Variants in CNTNAP2 observed in about 807,000 individuals in gnomAD.
CNTNAP2 encodes contactin associated protein 2, also known as contactin-associated protein-like 2.
In CNTNAP2, 98 loss-of-function variants were observed where a neutral mutation model predicts 155.2. The observed-to-expected ratio is 0.63, with a 90% CI of 0.54 to 0.75. The LOEUF (loss-of-function observed/expected upper bound fraction) is 0.75. Ranked by LOEUF, CNTNAP2 falls within the 30% of genes least tolerant of loss-of-function variation. The probability of loss-of-function intolerance (pLI) is 0.00; values close to 1 mark genes in which losing one functional copy is unlikely to be tolerated. For synonymous variants in CNTNAP2, 651 were observed against 631.2 expected (o/e 1.03, Z -0.47); for missense variants, 1,727 against 1,688.1 (o/e 1.02, Z -0.40).
intron 1 of CNTNAP2, among the ~76,000 whole-genome samples, chr7:146,704,763 A>G (rs1177314500): frequency 6.6e-6 from 1 of 152,150 alleles, no homozygotes; most frequent in Non-Finnish European, 1.5e-5. Flanking sequence ...ACGTGAAAAA[A>G]TTCTAATTCT....
At chr7:146,201,509 A>T (rs1798860141) in intron 1 of CNTNAP2, among the ~76,000 whole-genome samples, 1 of 152,124 alleles carries the variant, frequency 6.6e-6, no homozygotes, top group Non-Finnish European at 1.5e-5. Flanking sequence ...ACCTTCCACA[A>T]GTTTACTGTT....
chr7:146,723,936 G>C (rs538075328), intron 1 of CNTNAP2, among the ~76,000 whole-genome samples: 2 of 152,166 alleles, frequency 1.3e-5, no homozygotes, highest in Non-Finnish European at 2.9e-5. Context: ...ATTTATTGAG[G>C]CTTTTTTGTT....
chr7:146,674,601 A>C (rs1800365079), intron 1 of CNTNAP2, among the ~76,000 whole-genome samples: 1 of 152,112 alleles, frequency 6.6e-6, no homozygotes, highest in Admixed American at 6.6e-5. Context: ...AAGAATAAAT[A>C]TTTATTTGAT....
Position 148,416,352 on chromosome 7 carries a change from T to G in CNTNAP2, c.*736T>G, listed in dbSNP as rs941525817. The stretch of plus-strand genomic sequence containing the variant: ...TTCATTGAATTCTACAAGCTAATAT[T>G]GTTCCACGTATGTAGTCTTAGACCA... On this transcript the variant is annotated 3_prime_UTR_variant, in exon 24 of 24. Coordinates refer to ENST00000361727, the MANE Select transcript of CNTNAP2 (RefSeq NM_014141.6). 6.6e-6 allele frequency: 1 copy of G among 152,330 alleles called. No homozygotes were observed. Among genetic ancestry groups the G allele is most frequent in the African/African-American group, 2.4e-5 (1 of 41,458 alleles). The allele number at this position is 152,330 out of a possible 1,614,324, so 9.4% of individuals were successfully genotyped here.
chr7:147,155,714 C>G (rs538591534), intron 8 of CNTNAP2, among the ~76,000 whole-genome samples: 1 of 152,004 alleles, frequency 6.6e-6, no homozygotes, highest in Admixed American at 6.6e-5. Context: ...TTGGTGTATT[C>G]TACAATTTGT....
chr7:146,135,173 T>A (rs1797778916), intron 1 of CNTNAP2, among the ~76,000 whole-genome samples: 1 of 152,118 alleles, frequency 6.6e-6, no homozygotes, highest in Non-Finnish European at 1.5e-5. Context: ...TCATAGAAAA[T>A]TTCCTACTTA....
At chr7:146,882,655 T>C (rs957699920) in intron 3 of CNTNAP2, among the ~76,000 whole-genome samples, 3 of 152,106 alleles carry the variant, frequency 2.0e-5, no homozygotes, top group African/African-American at 7.2e-5. Context: ...TACCCAGTCT[T>C]GGGCAGTTCT....
intron 13 of CNTNAP2, among the ~76,000 whole-genome samples, chr7:147,807,322 C>CAAAAAAAAAAAAAAAAA (rs768465391): frequency 3.1e-5 from 2 of 64,776 alleles, no homozygotes; most frequent in African/African-American, 6.1e-5. Context: ...GTCCTTGACT[C>CAAAAAAAAAAAAAAAAA]AAAAAAAAAA....
At chr7:148,158,928 A>G (rs1466155957) in intron 17 of CNTNAP2, among the ~76,000 whole-genome samples, 1 of 152,272 alleles carries the variant, frequency 6.6e-6, no homozygotes, top group Non-Finnish European at 1.5e-5. Flanking sequence ...AAAGATTGTA[A>G]TAAAATAAAT....
At chr7:148,200,630 A>T (rs1173843234) in intron 18 of CNTNAP2, among the ~76,000 whole-genome samples, 1 of 152,198 alleles carries the variant, frequency 6.6e-6, no homozygotes, top group African/African-American at 2.4e-5. Flanking sequence ...TAGGAATCAT[A>T]GCCCTCTATG....
At chr7:146,402,538 A>T (rs991627582) in intron 1 of CNTNAP2, among the ~76,000 whole-genome samples, 22 of 152,308 alleles carry the variant, frequency 1.4e-4, no homozygotes, top group African/African-American at 4.8e-4. Context: ...AATTATTTAC[A>T]GTAACACTCT....
chr7:146,413,254 G>T (rs1795891641), intron 1 of CNTNAP2, among the ~76,000 whole-genome samples: 1 of 152,106 alleles, frequency 6.6e-6, no homozygotes, highest in Admixed American at 6.5e-5. Flanking sequence ...TGAGAGAAGA[G>T]GGTCTGCATG....
At chr7:147,636,610 A>G (rs1584871299) in intron 12 of CNTNAP2, among the ~76,000 whole-genome samples, 1 of 151,886 alleles carries the variant, frequency 6.6e-6, no homozygotes, top group African/African-American at 2.4e-5. Flanking sequence ...GCACCCCCCA[A>G]CAAGCCCTGG....
chr7:147,911,913 G>A (rs756130967), intron 14 of CNTNAP2, among the ~76,000 whole-genome samples: 3 of 152,142 alleles, frequency 2.0e-5, no homozygotes, highest in Non-Finnish European at 4.4e-5. Flanking sequence ...CTACGAGCAC[G>A]GTGGTACAAT....
intron 13 of CNTNAP2, among the ~76,000 whole-genome samples, chr7:147,855,553 A>G (rs1052750218): frequency 7.9e-5 from 12 of 152,024 alleles, no homozygotes; most frequent in Non-Finnish European, 1.2e-4. Flanking sequence ...TTGGGAGGCC[A>G]AAGTGGACAG....
chr7:146,949,756 T>A (rs940505452), intron 3 of CNTNAP2, among the ~76,000 whole-genome samples: 1 of 152,174 alleles, frequency 6.6e-6, no homozygotes, highest in African/African-American at 2.4e-5. Context: ...GTGCCATTGC[T>A]TTGATGTTGA....
At chr7:148,400,172 C>T (rs1453379152) in intron 22 of CNTNAP2, among the ~76,000 whole-genome samples, 1 of 152,138 alleles carries the variant, frequency 6.6e-6, no homozygotes. Flanking sequence ...TTTTCAAGGC[C>T]GAAGAACCCA....
chr7:146,187,899 C>T (rs1057089065), intron 1 of CNTNAP2, among the ~76,000 whole-genome samples: 11 of 152,114 alleles, frequency 7.2e-5, no homozygotes, highest in African/African-American at 2.4e-4. Context: ...CCCATTAATA[C>T]GTTTCTATTG....
At chr7:146,889,260 T>C (rs1420113235) in intron 3 of CNTNAP2, among the ~76,000 whole-genome samples, 1 of 152,222 alleles carries the variant, frequency 6.6e-6, no homozygotes, top group African/African-American at 2.4e-5. Context: ...TATATATATT[T>C]AGATATTTCT....
Sources: gnomAD v4.1 joint callset for allele counts (sites outside exome capture counted in the v4.1 genomes callset) on GRCh38, gnomAD v4.1.1 for gene constraint, MANE v1.5 for transcripts, NCBI Gene and HGNC (gene_info 2026-07-23, HGNC 2026-07-21) for gene names.